The following PIK3CD variants were observed in gnomAD, a reference collection of about 807,000 sequenced individuals.
PIK3CD encodes phosphatidylinositol 4,5-bisphosphate 3-kinase catalytic subunit delta isoform.
Under a neutral mutation model 122.9 loss-of-function variants are expected in PIK3CD, and 20 were observed. That is an observed-to-expected ratio of 0.16 (90% CI 0.11 to 0.24). The LOEUF (loss-of-function observed/expected upper bound fraction) is 0.24, where lower values mean the gene tolerates loss of function less well. PIK3CD is among the 10% of genes least tolerant of loss of function. The pLI, the probability that PIK3CD is intolerant of heterozygous loss-of-function variation, is 1.00. For missense variants in PIK3CD, 787 were observed against 1,406.3 expected (o/e 0.56, Z 7.04); for synonymous variants, 596 against 593.4 (o/e 1.00, Z -0.06).
intron 1 of PIK3CD, among the ~76,000 whole-genome samples, chr1:9,678,019 C>T (rs1239902031): frequency 6.6e-6 from 1 of 152,014 alleles, no homozygotes; most frequent in Non-Finnish European, 1.5e-5. Flanking sequence ...TGGCGCCTGC[C>T]TGTAATCCCA....
chr1:9,715,825 G>GGGCCCC lies in PIK3CD; in HGVS notation c.371-24_371-23insGGCCCC. ...GCTGGCCCTGCCTGCCCCACCCGCT[G>GGGCCCC]ACCCAGCCCTCCCCACCCCGCAGGC... is the stretch of plus-strand genomic sequence containing the variant. On this transcript the variant is annotated intron_variant, in intron 4 of 23. Transcript: ENST00000377346. The surrounding 1 kb of genome is among the most constrained non-coding windows in gnomAD (Gnocchi z 4.1). 1 of 1,586,074 alleles carries GGGCCCC rather than the reference G, an allele frequency of 6.3e-7. No individual in the cohort carries two copies. The highest frequency in any genetic ancestry group is 8.7e-7 in the Non-Finnish European group (1 of 1,155,834).
chr1:9,714,718 C>T (rs1647205491), intron 3 of PIK3CD, among the ~76,000 whole-genome samples: 1 of 152,142 alleles, frequency 6.6e-6, no homozygotes, highest in Non-Finnish European at 1.5e-5. Flanking sequence ...GAACTTTCCT[C>T]CTTTCCCGTC....
At chr1:9,683,471 CAAAA>C (rs377322907) in intron 1 of PIK3CD, among the ~76,000 whole-genome samples, 1 of 40,166 alleles carries the variant, frequency 2.5e-5, no homozygotes, top group Admixed American at 2.9e-4. Context: ...ACAACAACAA[CAAAA>C]AAAACGAGCC....
At position 9,720,353 on chromosome 1, in the gene PIK3CD, C is replaced by T. The variant is rs1570379872; in HGVS notation, c.1470+111C>T. ...CCTGGCCACGTCGGGGCTGGGCTAC[C>T]AGGCATATCTGGGGCCTTCCCAGGG... is the stretch of plus-strand genomic sequence containing the variant. On this transcript the variant is annotated intron_variant, in intron 11 of 23. Coordinates refer to ENST00000377346, the MANE Select transcript of PIK3CD (RefSeq NM_005026.5). The surrounding 1 kb of genome is among the most constrained non-coding windows in gnomAD (Gnocchi z 9.0). 11 of 1,428,180 alleles carry T rather than the reference C, an allele frequency of 7.7e-6. No individual in the cohort carries two copies. In the Middle Eastern group the frequency reaches 6.4e-4, roughly 83 times the overall value. 88.5% of individuals were successfully genotyped at this position (1,428,180 alleles called of 1,614,324 possible).
At position 9,722,965 on chromosome 1, in the gene PIK3CD, G is replaced by A. The variant is rs969558346; in HGVS notation, c.2427-160G>A. Among the ~76,000 whole-genome samples, 7 of 152,124 alleles carry A rather than the reference G, an allele frequency of 4.6e-5. No individual in the cohort carries two copies. Among genetic ancestry groups the A allele is most frequent in the South Asian group, 2.1e-4 (1 of 4,830 alleles). On this transcript the variant is annotated intron_variant, in intron 19 of 23. Coordinates refer to ENST00000377346, the MANE Select transcript of PIK3CD (RefSeq NM_005026.5). This position sits in a 1 kb window ranked among gnomAD's most constrained non-coding sequence, Gnocchi z 7.6. ...TTTCTGCACCTCAGATGCTGGTGCCGGCATCTCCAAGGAGCCAGCATCTCT... is the reference window on the plus strand; with the variant it reads ...TTTCTGCACCTCAGATGCTGGTGCCAGCATCTCCAAGGAGCCAGCATCTCT...
upstream of PIK3CD, among the ~76,000 whole-genome samples, chr1:9,651,391 C>G (rs1644668524): frequency 6.6e-6 from 1 of 152,194 alleles, no homozygotes; most frequent in Non-Finnish European, 1.5e-5. Flanking sequence ...TCTTCTTCTC[C>G]TGCTCTCAGC....
chr1:9,723,266 C>A lies in PIK3CD; in HGVS notation c.2568C>A (p.Leu856=). The change falls in exon 20 of 24, where the codon CTC becomes CTA. Residue 856 remains leucine, a synonymous_variant. Coordinates refer to ENST00000377346, the MANE Select transcript of PIK3CD (RefSeq NM_005026.5). The surrounding 1 kb of genome is among the most constrained non-coding windows in gnomAD (Gnocchi z 4.9). ...CCGCCTTCAACAAGGATGCCCTGCT[C>A]AACTGGCTGAAGTCCAAGAACCCGG... ...ATAAFNKDAL[L]NWLKSKNPGE... 2 of 1,614,042 alleles carry A rather than the reference C, an allele frequency of 1.2e-6. No individual in the cohort carries two copies. Among genetic ancestry groups the A allele is most frequent in the Non-Finnish European group, 1.7e-6 (2 of 1,180,042 alleles).
intron 2 of PIK3CD, among the ~76,000 whole-genome samples, chr1:9,703,605 A>T (rs1182873906): frequency 6.6e-6 from 1 of 152,176 alleles, no homozygotes; most frequent in Admixed American, 6.6e-5. Context: ...GGAATCATGA[A>T]CACATATTTT....
rs993175235 is a variant in PIK3CD, at chr1:9,728,679, G to A, written c.*1633G>A. On this transcript the variant is annotated 3_prime_UTR_variant, in exon 24 of 24. Transcript: ENST00000377346. ...TTTCGAAATGGGGAAAGCCGTGCGT[G>A]CGCGTTATTTATTTAAGTGCGCCTG... The A allele has an allele frequency of 6.6e-6, 1 of 152,264 alleles. No homozygotes were observed. The highest frequency in any genetic ancestry group is 1.5e-5 in the Non-Finnish European group (1 of 68,048). 9.4% of individuals were successfully genotyped at this position (152,264 alleles called of 1,614,324 possible).
chr1:9,630,494 CAG>C, the PIK3CD span, among the ~76,000 whole-genome samples: 1 of 152,204 alleles, frequency 6.6e-6, no homozygotes, highest in African/African-American at 2.4e-5. Flanking sequence ...GTGCCAGACA[CAG>C]GGGAGCAGCC....
the PIK3CD span, among the ~76,000 whole-genome samples, chr1:9,640,941 C>T: frequency 5.9e-5 from 9 of 152,288 alleles, no homozygotes; most frequent in South Asian, 1.5e-3. Flanking sequence ...CTTCGAGACC[C>T]ACGCGGCTTC....
intron 1 of PIK3CD, among the ~76,000 whole-genome samples, chr1:9,657,684 C>G (rs1165464638): frequency 6.6e-6 from 1 of 152,164 alleles, no homozygotes; most frequent in East Asian, 1.9e-4. Context: ...CAGTCCCTGC[C>G]CTCCGCAGCC....
At chr1:9,653,927 T>C (rs1644757281) in intron 1 of PIK3CD, 1 of 1,366,088 alleles carries the variant, frequency 7.3e-7, no homozygotes, top group Non-Finnish European at 9.8e-7. Flanking sequence ...CAGTTGTGGC[T>C]GAGAGCGGTA....
At chr1:9,631,610 G>A in the PIK3CD span, among the ~76,000 whole-genome samples, 1 of 152,140 alleles carries the variant, frequency 6.6e-6, no homozygotes, top group East Asian at 1.9e-4. Flanking sequence ...GAGCTGAGAT[G>A]GCGCCACTGC....
intron 1 of PIK3CD, among the ~76,000 whole-genome samples, chr1:9,690,112 G>A (rs1646145069): frequency 6.6e-6 from 1 of 152,084 alleles, no homozygotes; most frequent in Admixed American, 6.5e-5. Flanking sequence ...GGCTGTGCGC[G>A]TCCTCCCCTC....
chr1:9,727,108 T>C lies in PIK3CD; in HGVS notation c.*62T>C, dbSNP rs553340239. 164 of 1,603,808 alleles carry C rather than the reference T, an allele frequency of 1.0e-4. No homozygotes were observed. In the African/African-American group the frequency reaches 1.7e-3, roughly 17 times the overall value. On this transcript the variant is annotated 3_prime_UTR_variant, in exon 24 of 24. Coordinates refer to ENST00000377346, the MANE Select transcript of PIK3CD (RefSeq NM_005026.5). ...TGCGGGTCGTGGGGACCAAGCACAT[T>C]GGTCCTAAAGGGGCTGAAGAGCCTG...
intron 1 of PIK3CD, among the ~76,000 whole-genome samples, chr1:9,675,034 A>G (rs569805163): frequency 1.3e-3 from 190 of 145,188 alleles, no homozygotes; most frequent in Non-Finnish European, 2.3e-3. Flanking sequence ...AAAAAAAAAA[A>G]AAAGAGAGAG....
At chr1:9,702,461 ACT>A (rs572834613) in intron 2 of PIK3CD, among the ~76,000 whole-genome samples, 167 of 121,230 alleles carry the variant, frequency 1.4e-3, no homozygotes, top group African/African-American at 5.2e-3. Context: ...TCGGAGTTTG[ACT>A]CTTAGAGGCA....
chr1:9,645,343 C>A, the PIK3CD span, among the ~76,000 whole-genome samples: 1 of 152,028 alleles, frequency 6.6e-6, no homozygotes, highest in African/African-American at 2.4e-5. Flanking sequence ...TTAGCTTAAG[C>A]TTCCTGGCAC....
Sources: allele counts gnomAD v4.1 joint callset (sites outside exome capture counted in the v4.1 genomes callset), GRCh38; gene constraint gnomAD v4.1.1; non-coding constraint Gnocchi (gnomAD v3.1); transcripts MANE v1.5; gene names NCBI Gene and HGNC (gene_info 2026-07-23, HGNC 2026-07-21).